The following ITGA9 variants were observed in gnomAD, a reference collection of about 807,000 sequenced individuals.
The protein encoded by ITGA9 is integrin alpha-9.
Under a neutral mutation model 127.8 loss-of-function variants are expected in ITGA9, and 56 were observed. The ratio of observed to expected loss-of-function variants is 0.44; its 90% confidence interval spans 0.35 to 0.55. ITGA9 has a LOEUF of 0.55. ITGA9 is among the 20% of genes least tolerant of loss of function. The pLI is 0.00. For synonymous variants in ITGA9, 508 were observed against 514.5 expected, an observed-to-expected ratio of 0.99 and a Z score of 0.17; for missense variants, 1,196 against 1,347.1, an observed-to-expected ratio of 0.89 and a Z score of 1.76.
chr3:37,707,919 C>T (rs76367758), intron 18 of ITGA9, among the ~76,000 whole-genome samples: 4,797 of 152,276 alleles, frequency 0.032, 117 homozygotes, highest in Non-Finnish European at 0.045. Context: ...ACCACATCAT[C>T]ATGGCTACCC....
chr3:37,805,147 C>A (rs538655416), intron 27 of ITGA9, among the ~76,000 whole-genome samples: 14 of 151,952 alleles, frequency 9.2e-5, no homozygotes, highest in Non-Finnish European at 1.6e-4. Flanking sequence ...AACTCCTGGG[C>A]TCAAGCTGTT....
chr3:37,770,323 A>T (rs1019722719), intron 23 of ITGA9, among the ~76,000 whole-genome samples: 2 of 152,206 alleles, frequency 1.3e-5, no homozygotes, highest in African/African-American at 4.8e-5. Context: ...GCGATTTCCC[A>T]GGATGATGTG....
At chr3:37,502,337 C>T (rs762961418) in intron 5 of ITGA9, among the ~76,000 whole-genome samples, 40 of 151,366 alleles carry the variant, frequency 2.6e-4, no homozygotes, top group Admixed American at 1.5e-3. Flanking sequence ...GCCTCAGCCT[C>T]CTGAGTAGCT....
intron 14 of ITGA9, among the ~76,000 whole-genome samples, chr3:37,541,668 G>A (rs74464409): frequency 0.013 from 2,031 of 152,226 alleles, 31 homozygotes; most frequent in African/African-American, 0.036. Flanking sequence ...CTCAGTACAG[G>A]CCCTACCGTG....
chr3:37,792,148 A>C (rs569710863), intron 26 of ITGA9, among the ~76,000 whole-genome samples: 2 of 152,280 alleles, frequency 1.3e-5, no homozygotes, highest in South Asian at 4.1e-4. Context: ...TCTGACCATC[A>C]AGAATTGAGA....
chr3:37,796,894 T>G (rs1697180119), intron 26 of ITGA9, among the ~76,000 whole-genome samples: 1 of 152,194 alleles, frequency 6.6e-6, no homozygotes, highest in African/African-American at 2.4e-5. Context: ...CAGGAAGATT[T>G]ATCATTACCT....
At chr3:37,728,887 C>G (rs1449132168) in intron 18 of ITGA9, among the ~76,000 whole-genome samples, 1 of 151,466 alleles carries the variant, frequency 6.6e-6, no homozygotes, top group Non-Finnish European at 1.5e-5. Context: ...GGGGAAGAAA[C>G]CAAACAGGCA....
At chr3:37,745,562 C>T (rs1453375070) in intron 22 of ITGA9, 1 of 152,088 alleles carries the variant, frequency 6.6e-6, no homozygotes, top group East Asian at 1.9e-4. Flanking sequence ...TTGGGGGTGT[C>T]TTGCAATTAA....
At chr3:37,753,552 C>G (rs1055075285) in intron 23 of ITGA9, 2 of 152,250 alleles carry the variant, frequency 1.3e-5, no homozygotes, top group African/African-American at 4.8e-5. Context: ...CTGGGAGCTA[C>G]ACCCGGTTCT....
chr3:37,639,494 G>A (rs1451897616), intron 16 of ITGA9, among the ~76,000 whole-genome samples: 2 of 152,168 alleles, frequency 1.3e-5, no homozygotes, highest in Non-Finnish European at 2.9e-5. Flanking sequence ...GCTGATGGAT[G>A]CTAAAGGTCT....
chr3:37,816,323 A>G (rs1193423535), intron 27 of ITGA9, among the ~76,000 whole-genome samples: 1 of 152,198 alleles, frequency 6.6e-6, no homozygotes, highest in African/African-American at 2.4e-5. Context: ...TGGTAGGGAA[A>G]TGTGACTTCT....
chr3:37,453,461 G>T (rs555796173), intron 1 of ITGA9, among the ~76,000 whole-genome samples: 6 of 152,200 alleles, frequency 3.9e-5, no homozygotes, highest in South Asian at 2.1e-4. Context: ...AAGCACTAAG[G>T]GGGGGTTGGT....
chr3:37,685,425 A>C (rs555427375), intron 18 of ITGA9, among the ~76,000 whole-genome samples: 1 of 152,196 alleles, frequency 6.6e-6, no homozygotes, highest in Non-Finnish European at 1.5e-5. Flanking sequence ...TCCACTTTCT[A>C]TATTCTAAAA....
chr3:37,664,419 TC>T (rs377178782), intron 17 of ITGA9, among the ~76,000 whole-genome samples: 2 of 131,728 alleles, frequency 1.5e-5, no homozygotes, highest in Non-Finnish European at 3.2e-5. Context: ...GTCAGCACAT[TC>T]TTTTTTTTTT....
chr3:37,563,689 A>G (rs1461861724), intron 15 of ITGA9, among the ~76,000 whole-genome samples: 1 of 152,218 alleles, frequency 6.6e-6, no homozygotes, highest in Non-Finnish European at 1.5e-5. Flanking sequence ...TGTTACAGCC[A>G]TTTATGTCCC....
chr3:37,460,776 A>C (rs1197088369), intron 1 of ITGA9, among the ~76,000 whole-genome samples: 1 of 151,886 alleles, frequency 6.6e-6, no homozygotes, highest in Non-Finnish European at 1.5e-5. Context: ...TTTTTAGTAG[A>C]GAGTGGGTTT....
intron 12 of ITGA9, 137 bp from the exon 13 acceptor site, chr3:37,525,889 T>C: frequency 1.3e-6 from 1 of 746,108 alleles, no homozygotes; most frequent in Non-Finnish European, 2.4e-6. Context: ...ACAAGATCAT[T>C]GTATAGCCCA....
rs1017235931 is a variant in ITGA9, at chr3:37,606,640, T to G, written c.1690-22547T>G. Among the ~76,000 whole-genome samples the G allele has an allele frequency of 4.6e-5, 7 of 152,262 alleles. No homozygotes were observed. In the South Asian group the frequency reaches 1.5e-3, roughly 32 times the overall value. The stretch of plus-strand genomic sequence containing the variant: ...GTGCATACTTTGTGTTGGACAGTTA[T>G]GGGGGATTGCTTTTGCCATCTCAGC... On this transcript the variant is annotated intron_variant, in intron 15 of 27. Coordinates refer to ENST00000264741, the MANE Select transcript of ITGA9 (RefSeq NM_002207.3).
intron 20 of ITGA9, among the ~76,000 whole-genome samples, chr3:37,739,787 C>T (rs1402755): frequency 0.34 from 52,149 of 151,808 alleles, 11,128 homozygotes; most frequent in African/African-American, 0.61. Flanking sequence ...GCCAAACAAA[C>T]GGCAGGGCAA....
Sources: gnomAD v4.1 joint callset for allele counts (sites outside exome capture counted in the v4.1 genomes callset) on GRCh38, gnomAD v4.1.1 for gene constraint, MANE v1.5 for transcripts, NCBI Gene and HGNC (gene_info 2026-07-23, HGNC 2026-07-21) for gene names.